Variants in CDH13 observed in about 807,000 individuals in gnomAD.
The protein encoded by CDH13 is cadherin-13.
A neutral mutation model predicts 63.8 loss-of-function variants in CDH13; 24 were observed. The observed-to-expected ratio is 0.38, with a 90% CI of 0.27 to 0.53. CDH13 has a LOEUF of 0.53. Among genes scored for constraint, CDH13 ranks in the 20% least tolerant of loss-of-function variants. The pLI is 0.85. For synonymous variants in CDH13, 503 were observed against 355.3 expected (o/e 1.42, Z -4.67); for missense variants, 1,049 against 903.1 (o/e 1.16, Z -2.07).
chr16:83,148,320 A>G (rs947462028), intron 4 of CDH13, among the ~76,000 whole-genome samples: 11 of 147,588 alleles, frequency 7.5e-5, no homozygotes, highest in African/African-American at 3.0e-4. Flanking sequence ...TGTAGACAAC[A>G]TGTAGACAAC....
chr16:83,109,613 A>G (rs9932351), intron 3 of CDH13, among the ~76,000 whole-genome samples: 16,509 of 152,200 alleles, frequency 0.11, 1,070 homozygotes, highest in African/African-American at 0.18. Context: ...GGAAAGCATG[A>G]TACCTGGATC....
chr16:83,110,852 C>T (rs1188017251), intron 3 of CDH13, among the ~76,000 whole-genome samples: 1 of 151,860 alleles, frequency 6.6e-6, no homozygotes, highest in African/African-American at 2.4e-5. Flanking sequence ...TGGAGCATAC[C>T]CCCAAAACCC....
rs528488988 is a variant in CDH13, at chr16:83,201,786, G to A, written c.484-15559G>A. Among the ~76,000 whole-genome samples the A allele has an allele frequency of 1.7e-3, 254 of 151,610 alleles. 1 individual carries two copies. The highest frequency in any genetic ancestry group is 2.3e-3 in the Non-Finnish European group (159 of 67,912). ...CAAAAAATTAGCCGGGCGTGGTAGC[G>A]GGTGCCTGTAGTCCCAGCTACTTGG... On this transcript the variant is annotated intron_variant, in intron 4 of 13. Coordinates refer to ENST00000567109, the MANE Select transcript of CDH13 (RefSeq NM_001257.5).
At chr16:83,373,249 A>G (rs1230241311) in intron 6 of CDH13, among the ~76,000 whole-genome samples, 2 of 152,210 alleles carry the variant, frequency 1.3e-5, no homozygotes, top group Non-Finnish European at 2.9e-5. Flanking sequence ...AAAAGGGCCT[A>G]GTTACAAAGG....
intron 1 of CDH13, among the ~76,000 whole-genome samples, chr16:82,764,015 G>A (rs1280625268): frequency 6.6e-6 from 1 of 152,146 alleles, no homozygotes; most frequent in Non-Finnish European, 1.5e-5. Context: ...GACAAGGACT[G>A]GTTGCATCTC....
At chr16:82,677,602 A>T (rs1353824368) in intron 1 of CDH13, among the ~76,000 whole-genome samples, 1 of 152,174 alleles carries the variant, frequency 6.6e-6, no homozygotes, top group Non-Finnish European at 1.5e-5. Context: ...AGGAAATCAG[A>T]GCTCATTCTA....
intron 3 of CDH13, among the ~76,000 whole-genome samples, chr16:83,067,166 C>T (rs1234916789): frequency 6.6e-6 from 1 of 152,186 alleles, no homozygotes; most frequent in Non-Finnish European, 1.5e-5. Context: ...TGCTCTTATT[C>T]CAAAGAGCAG....
intron 7 of CDH13, among the ~76,000 whole-genome samples, chr16:83,533,273 G>A (rs535640780): frequency 1.3e-5 from 2 of 152,308 alleles, no homozygotes; most frequent in Non-Finnish European, 1.5e-5. Context: ...GCACTTAAAT[G>A]TGCTCGGAAA....
intron 11 of CDH13, 57 bp from the exon 12 acceptor site, chr16:83,779,910 TG>T: frequency 8.8e-7 from 1 of 1,138,086 alleles, no homozygotes; most frequent in Non-Finnish European, 1.3e-6. Context: ...AAAAGTGCTA[TG>T]GTAAATTGCT....
intron 5 of CDH13, among the ~76,000 whole-genome samples, chr16:83,296,635 A>T (rs2089605465): frequency 6.6e-6 from 1 of 152,198 alleles, no homozygotes. Context: ...AAGTACACAC[A>T]CACACACATA....
intron 6 of CDH13, among the ~76,000 whole-genome samples, chr16:83,423,738 A>T (rs1426718564): frequency 6.6e-6 from 1 of 152,218 alleles, no homozygotes; most frequent in Non-Finnish European, 1.5e-5. Context: ...TGTAGGATCA[A>T]AACATGTGTT....
At chr16:83,711,948 G>C (rs1278488654) in intron 10 of CDH13, among the ~76,000 whole-genome samples, 1 of 152,226 alleles carries the variant, frequency 6.6e-6, no homozygotes, top group South Asian at 2.1e-4. Flanking sequence ...AGAAGTCTGA[G>C]ATCAAGGTGT....
At chr16:82,902,771 C>T (rs537614146) in intron 2 of CDH13, among the ~76,000 whole-genome samples, 1 of 152,222 alleles carries the variant, frequency 6.6e-6, no homozygotes, top group East Asian at 1.9e-4. Flanking sequence ...TGTTTGTTTT[C>T]TGTATTTCCC....
At chr16:83,055,029 CAAAA>C (rs1263140079) in intron 3 of CDH13, among the ~76,000 whole-genome samples, 1 of 151,552 alleles carries the variant, frequency 6.6e-6, no homozygotes, top group Non-Finnish European at 1.5e-5. Context: ...AAATTAATAA[CAAAA>C]AAACTAAAGG....
At chr16:83,761,320 C>T (rs187166092) in intron 11 of CDH13, among the ~76,000 whole-genome samples, 44 of 152,300 alleles carry the variant, frequency 2.9e-4, no homozygotes, top group African/African-American at 1.0e-3. Flanking sequence ...GGAAAAGACA[C>T]GTTGTAACCA....
intron 7 of CDH13, among the ~76,000 whole-genome samples, chr16:83,578,764 C>T (rs898797946): frequency 3.9e-5 from 6 of 152,220 alleles, no homozygotes; most frequent in African/African-American, 1.4e-4. Flanking sequence ...ATAGGAGAGA[C>T]TACTGGATAC....
intron 6 of CDH13, among the ~76,000 whole-genome samples, chr16:83,420,541 G>C (rs2071685132): frequency 6.6e-6 from 1 of 152,202 alleles, no homozygotes; most frequent in Non-Finnish European, 1.5e-5. Flanking sequence ...GTGTGCACAT[G>C]ACAGCATCTT....
intron 1 of CDH13, among the ~76,000 whole-genome samples, chr16:82,845,606 C>G (rs1186707061): frequency 6.6e-6 from 1 of 152,104 alleles, no homozygotes; most frequent in Non-Finnish European, 1.5e-5. Flanking sequence ...GTAGACCAGA[C>G]AAGGTTCCCA....
At chr16:83,099,857 G>A (rs2034389974) in intron 3 of CDH13, among the ~76,000 whole-genome samples, 1 of 152,142 alleles carries the variant, frequency 6.6e-6, no homozygotes, top group Non-Finnish European at 1.5e-5. Context: ...CACTCAGTAA[G>A]AGTGAGGAGG....
Sources: gnomAD v4.1 joint callset for allele counts (sites outside exome capture counted in the v4.1 genomes callset) on GRCh38, gnomAD v4.1.1 for gene constraint, MANE v1.5 for transcripts, NCBI Gene and HGNC (gene_info 2026-07-23, HGNC 2026-07-21) for gene names.